EMSY: variants seen among roughly 807,000 people sequenced by gnomAD.
EMSY encodes the protein BRCA2-interacting transcriptional repressor EMSY.
Under a neutral mutation model 134.6 loss-of-function variants are expected in EMSY, and 26 were observed. The observed-to-expected ratio is 0.19, with a 90% CI of 0.14 to 0.27. The LOEUF (loss-of-function observed/expected upper bound fraction) is 0.27, where lower values mean the gene tolerates loss of function less well. Among genes scored for constraint, EMSY ranks in the 10% least tolerant of loss-of-function variants. EMSY has a pLI of 1.00. For missense variants in EMSY, 1,305 were observed against 1,611.4 expected (o/e 0.81, Z 3.26); for synonymous variants, 579 against 577.8 (o/e 1.00, Z -0.03).
At chr11:76,517,145 C>T (rs1423998832) in intron 11 of EMSY, among the ~76,000 whole-genome samples, 1 of 151,892 alleles carries the variant, frequency 6.6e-6, no homozygotes, top group Non-Finnish European at 1.5e-5. Flanking sequence ...GTGAGTTGTT[C>T]TAACATTTTA....
intron 9 of EMSY, chr11:76,496,714 T>C (rs934082574): frequency 2.8e-5 from 15 of 527,662 alleles, no homozygotes; most frequent in African/African-American, 2.7e-4. Flanking sequence ...ACATGTTTTT[T>C]GTTAGTATAT....
intron 8 of EMSY, among the ~76,000 whole-genome samples, chr11:76,493,593 CA>C (rs2135741721): frequency 6.6e-6 from 1 of 152,296 alleles, no homozygotes; most frequent in East Asian, 1.9e-4. Context: ...AGCCAGACTC[CA>C]ACAGACGTGG....
At chr11:76,485,299 A>T (rs1949135082) in intron 8 of EMSY, among the ~76,000 whole-genome samples, 1 of 152,232 alleles carries the variant, frequency 6.6e-6, no homozygotes, top group African/African-American at 2.4e-5. Flanking sequence ...AATCCTCAAT[A>T]AAATCCTGGG....
At chr11:76,531,189 A>C (rs1951029002) in intron 14 of EMSY, among the ~76,000 whole-genome samples, 1 of 152,130 alleles carries the variant, frequency 6.6e-6, no homozygotes, top group Admixed American at 6.5e-5. Context: ...TCTCTTTATG[A>C]CTAAGATACA....
chr11:76,469,167 G>A (rs1405297924), intron 7 of EMSY, among the ~76,000 whole-genome samples: 1 of 152,126 alleles, frequency 6.6e-6, no homozygotes, highest in African/African-American at 2.4e-5. Context: ...TAATGTTAAA[G>A]CCTACATGTA....
At chr11:76,460,632 T>C (rs1211530900) in intron 6 of EMSY, 1 of 152,234 alleles carries the variant, frequency 6.6e-6, no homozygotes, top group East Asian at 1.9e-4. Context: ...TTTCATTTTT[T>C]TGTTTTTAAT....
intron 14 of EMSY, among the ~76,000 whole-genome samples, chr11:76,534,808 TC>T (rs909024184): frequency 9.9e-5 from 15 of 152,230 alleles, no homozygotes; most frequent in African/African-American, 3.6e-4. Context: ...ATTTGATGTT[TC>T]CCCCATTATA....
At position 76,499,275 on chromosome 11, in the gene EMSY, CTTTTTTTTTT is replaced by C. The variant is rs777778051; in HGVS notation, c.1363+2827_1363+2836del. 2.3e-4 allele frequency among the ~76,000 whole-genome samples: 16 copies of C among 70,006 alleles called. No individual in the cohort carries two copies. The South Asian group carries it at 2.8e-3, about 12-fold the overall frequency. 45.9% of individuals were successfully genotyped at this position (70,006 alleles called of 152,430 possible). A position where few individuals can be genotyped will look rare whatever the true frequency, so the allele number is the denominator to read the frequency against. ...TGCATCTGGCCAACCAATCTTATAA[CTTTTTTTTTT>C]TTTTTTTTTTTTTTTTTTTTGAGAT... On this transcript the variant is annotated intron_variant, in intron 9 of 20. Transcript: ENST00000334736.
intron 9 of EMSY, among the ~76,000 whole-genome samples, chr11:76,501,781 A>G (rs1217429574): frequency 1.3e-5 from 2 of 152,190 alleles, no homozygotes; most frequent in Non-Finnish European, 2.9e-5. Flanking sequence ...CAAAGAAATA[A>G]TGGCTGAAAA....
chr11:76,476,654 G>C (rs1380262474), intron 8 of EMSY, among the ~76,000 whole-genome samples: 1 of 152,084 alleles, frequency 6.6e-6, no homozygotes, highest in East Asian at 1.9e-4. Context: ...CCTCTTAGTT[G>C]GTTTCTAAAT....
intron 8 of EMSY, among the ~76,000 whole-genome samples, chr11:76,487,082 C>G (rs937845034): frequency 6.6e-6 from 1 of 152,176 alleles, no homozygotes; most frequent in Non-Finnish European, 1.5e-5. Context: ...TCGAGACCAT[C>G]CTGGCTAACA....
intron 18 of EMSY, among the ~76,000 whole-genome samples, chr11:76,542,712 A>G (rs1213361710): frequency 6.7e-6 from 1 of 148,308 alleles, no homozygotes; most frequent in Non-Finnish European, 1.5e-5. Flanking sequence ...TGGCTTGTTT[A>G]GCTGTTTGCT....
At chr11:76,527,486 G>A (rs959790323) in intron 13 of EMSY, among the ~76,000 whole-genome samples, 1 of 152,138 alleles carries the variant, frequency 6.6e-6, no homozygotes, top group Admixed American at 6.5e-5. Context: ...CTTATATGTG[G>A]TAGAAACAAA....
exon 13 of EMSY, chr11:76,526,591 A>G (rs1369901484): frequency 6.2e-7 from 1 of 1,613,634 alleles, no homozygotes; most frequent in Non-Finnish European, 8.5e-7. Context: ...AGCAGCTAAA[A>G]TCATCCCAAC....
intron 17 of EMSY, among the ~76,000 whole-genome samples, chr11:76,541,195 C>G (rs762144162): frequency 6.6e-6 from 1 of 152,178 alleles, no homozygotes. Flanking sequence ...CATTGCACTC[C>G]AGCCTGGGTA....
chr11:76,523,230 A>G, exon 12 of EMSY: 1 of 1,613,928 alleles, frequency 6.2e-7, no homozygotes, highest in Non-Finnish European at 8.5e-7. Flanking sequence ...ACTACAGGAA[A>G]AGGAACGACC....
At chr11:76,478,496 C>T (rs1948853047) in intron 8 of EMSY, among the ~76,000 whole-genome samples, 1 of 151,886 alleles carries the variant, frequency 6.6e-6, no homozygotes, top group South Asian at 2.1e-4. Flanking sequence ...GCGCGTGCCA[C>T]CATGCTCAGC....
chr11:76,506,272 G>A (rs1021626647), intron 9 of EMSY, among the ~76,000 whole-genome samples: 4 of 151,962 alleles, frequency 2.6e-5, no homozygotes, highest in Non-Finnish European at 5.9e-5. Flanking sequence ...AATCACATTT[G>A]GTTATCAATA....
chr11:76,532,842 T>G (rs899675003), intron 14 of EMSY, among the ~76,000 whole-genome samples: 4 of 152,192 alleles, frequency 2.6e-5, no homozygotes, highest in Non-Finnish European at 4.4e-5. Flanking sequence ...TTCTGAAGTT[T>G]CATGATCTCA....
Sources: gnomAD v4.1 joint callset for allele counts (sites outside exome capture counted in the v4.1 genomes callset) on GRCh38, gnomAD v4.1.1 for gene constraint, MANE v1.5 for transcripts, NCBI Gene and HGNC (gene_info 2026-07-23, HGNC 2026-07-21) for gene names.